Variants in TAS1R2 observed in about 807,000 individuals in gnomAD.
TAS1R2 encodes the protein taste receptor type 1 member 2.
TAS1R2 carries 47 observed loss-of-function variants against 49.3 expected under a neutral mutation model. The ratio of observed to expected loss-of-function variants is 0.95; its 90% CI spans 0.75 to 1.22. The LOEUF is 1.22. Ranked by LOEUF, TAS1R2 falls within the 50% of genes most tolerant of loss-of-function variation. TAS1R2 has a pLI of 0.00. For synonymous variants in TAS1R2, 479 were observed against 467.9 expected (o/e 1.02, Z -0.31); for missense variants, 1,155 against 1,122.1 (o/e 1.03, Z -0.42).
exon 2 of TAS1R2, chr1:18,857,465 G>A: frequency 6.2e-7 from 1 of 1,614,198 alleles, no homozygotes; most frequent in Non-Finnish European, 8.5e-7. Context: ...TTGTCCTCGT[G>A]TGCCAGGAAG....
At chr1:18,849,587 T>G (rs780258789) in intron 3 of TAS1R2, 37 bp from the exon 4 acceptor site, 4 of 1,607,634 alleles carry the variant, frequency 2.5e-6, no homozygotes, top group African/African-American at 1.3e-5. Context: ...GGAGCTAGCA[T>G]CAGAATCTGA....
chr1:18,856,938 T>C (rs1205697521), intron 2 of TAS1R2, among the ~76,000 whole-genome samples: 2 of 152,216 alleles, frequency 1.3e-5, no homozygotes, highest in East Asian at 1.9e-4. Flanking sequence ...CTGTGCAAGA[T>C]GCTTTATAAA....
intron 4 of TAS1R2, among the ~76,000 whole-genome samples, chr1:18,845,515 A>G (rs1192265746): frequency 6.6e-6 from 1 of 152,246 alleles, no homozygotes; most frequent in African/African-American, 2.4e-5. Context: ...CTGCTGGAAT[A>G]GAGATTCTGG....
At position 18,854,667 on chromosome 1, in the gene TAS1R2, G is replaced by A. The variant is rs770021998; in HGVS notation, c.803C>T (p.Thr268Ile). The change falls in exon 3 of 6, where the codon ACA becomes ATA. Residue 268 changes from threonine (T) to isoleucine (I), a missense_variant. Coordinates refer to ENST00000375371, the Ensembl canonical transcript of TAS1R2. This position sits in a 1 kb window ranked among gnomAD's most constrained non-coding sequence, Gnocchi z 4.9. ...CGAGAACACGACCACGACGCGCGCT[G>A]TGCTCTGCTGCAGCTTGTCCACAAT... 5.0e-6 allele frequency: 8 copies of A among 1,613,978 alleles called. No individual in the cohort carries two copies. The highest frequency in any genetic ancestry group is 6.8e-6 in the Non-Finnish European group (8 of 1,179,970).
At chr1:18,856,041 A>T (rs1232110542) in intron 2 of TAS1R2, among the ~76,000 whole-genome samples, 1 of 152,116 alleles carries the variant, frequency 6.6e-6, no homozygotes, top group Non-Finnish European at 1.5e-5. Flanking sequence ...CTGCTCACAC[A>T]CATGTCAGGT....
At chr1:18,849,172 C>A (rs945191149) in intron 4 of TAS1R2, 169 bp downstream of exon 4, 148 of 730,156 alleles carry the variant, frequency 2.0e-4, no homozygotes, top group South Asian at 3.8e-5. Flanking sequence ...AGTTCCCAAT[C>A]AATGGGGGAA....
intron 4 of TAS1R2, among the ~76,000 whole-genome samples, chr1:18,845,671 G>T (rs1319733462): frequency 6.6e-6 from 1 of 152,224 alleles, no homozygotes; most frequent in East Asian, 1.9e-4. Context: ...AGCTGAGGTG[G>T]TTGCTACACA....
chr1:18,844,502 A>G (rs760994093), intron 4 of TAS1R2, among the ~76,000 whole-genome samples: 7 of 152,224 alleles, frequency 4.6e-5, no homozygotes, highest in Non-Finnish European at 7.3e-5. Flanking sequence ...TTGTAATCTC[A>G]GCATTTTTTG....
chr1:18,852,958 A>T (rs1403895858), intron 3 of TAS1R2, among the ~76,000 whole-genome samples: 2 of 152,244 alleles, frequency 1.3e-5, no homozygotes, highest in Non-Finnish European at 2.9e-5. Context: ...AAGGGATGGG[A>T]CATCCTGGTT....
In TAS1R2 at chr1:18,854,511, C is replaced by G; in HGVS notation, c.959G>C (p.Gly320Ala). The G allele has an allele frequency of 6.2e-7, 1 of 1,613,970 alleles. No homozygotes were observed. The highest frequency in any genetic ancestry group is 8.5e-7 in the Non-Finnish European group (1 of 1,180,002). Residue 320 changes from glycine (G) to alanine (A), a missense_variant, in exon 3 of 6, where the codon GGC becomes GCC. Coordinates refer to ENST00000375371, the Ensembl canonical transcript of TAS1R2. The surrounding 1 kb of genome is among the most constrained non-coding windows in gnomAD (Gnocchi z 4.9). Reference sequence around the variant, plus strand: ...CTGGATGGTGATGCCCAGGAAGGTGCCCAAGTGGCGCAGCTCCGTGAGGTT... The same window carrying G: ...CTGGATGGTGATGCCCAGGAAGGTGGCCAAGTGGCGCAGCTCCGTGAGGTT...
chr1:18,846,524 C>A (rs1197928428), intron 4 of TAS1R2, among the ~76,000 whole-genome samples: 9 of 152,222 alleles, frequency 5.9e-5, no homozygotes. Context: ...TTCTGGGAGA[C>A]ACCAAAGCTA....
exon 6 of TAS1R2, chr1:18,840,382 G>C (rs1202561572): frequency 6.2e-7 from 1 of 1,614,032 alleles, no homozygotes; most frequent in East Asian, 2.2e-5. Flanking sequence ...TGGCCAGGGT[G>C]CTGAGGAAGC....
exon 6 of TAS1R2, chr1:18,840,160 G>A (rs201114108): frequency 8.1e-6 from 13 of 1,614,270 alleles, no homozygotes; most frequent in Non-Finnish European, 1.1e-5. Context: ...AGACGATCTG[G>A]AAAGAACGCA....
chr1:18,849,191 C>G, intron 4 of TAS1R2, 150 bp downstream of exon 4: 2 of 847,204 alleles, frequency 2.4e-6, no homozygotes, highest in Non-Finnish European at 3.6e-6. Flanking sequence ...AAGGAAAGGA[C>G]CCCAGACGAT....
chr1:18,840,774 G>A (rs1413648947), intron 5 of TAS1R2, among the ~76,000 whole-genome samples: 2 of 152,242 alleles, frequency 1.3e-5, no homozygotes, highest in African/African-American at 2.4e-5. Context: ...CAGTAAGTTA[G>A]AGAGGCAGGA....
At chr1:18,849,341 C>T (rs761284572) in exon 4 of TAS1R2, 16 of 1,613,640 alleles carry the variant, frequency 9.9e-6, no homozygotes, top group African/African-American at 6.7e-5. Context: ...CCTGGCTGAC[C>T]GTGTTGTTGA....
exon 6 of TAS1R2, chr1:18,840,099 G>A (rs528372608): frequency 2.7e-5 from 43 of 1,614,236 alleles, no homozygotes; most frequent in East Asian, 1.1e-4. Flanking sequence ...CCCTGGTAGC[G>A]GACCCAGTAG....
chr1:18,859,330 G>C, intron 1 of TAS1R2, 149 bp downstream of exon 1: 2 of 975,748 alleles, frequency 2.0e-6, no homozygotes, highest in South Asian at 1.6e-5. Flanking sequence ...AGGACTAGGG[G>C]CATGGATCCA....
intron 1 of TAS1R2, 33 bp downstream of exon 1, chr1:18,859,446 A>C (rs200972999): frequency 6.2e-7 from 1 of 1,612,204 alleles, no homozygotes; most frequent in Non-Finnish European, 8.5e-7. Flanking sequence ...CCCCATCCCC[A>C]CTGCCACTTC....
Sources: gnomAD v4.1 joint callset for allele counts (sites outside exome capture counted in the v4.1 genomes callset) on GRCh38, gnomAD v4.1.1 for gene constraint, Gnocchi (gnomAD v3.1) non-coding constraint, MANE v1.5 for transcripts, NCBI Gene and HGNC (gene_info 2026-07-23, HGNC 2026-07-21) for gene names.